Variants in PLA2G4E observed in about 807,000 individuals in gnomAD.
PLA2G4E encodes cytosolic phospholipase A2 epsilon.
A neutral mutation model predicts 109.1 loss-of-function variants in PLA2G4E; 84 were observed. That is an observed-to-expected ratio of 0.77 (90% CI 0.65 to 0.92). The LOEUF (loss-of-function observed/expected upper bound fraction) is 0.92. PLA2G4E is among the 40% of genes least tolerant of loss of function. The probability of loss-of-function intolerance (pLI) is 0.00; values close to 1 mark genes in which losing one functional copy is unlikely to be tolerated. For synonymous variants in PLA2G4E, 469 were observed against 436.1 expected (o/e 1.08, Z -0.94); for missense variants, 1,057 against 1,076.6 (o/e 0.98, Z 0.25).
intron 1 of PLA2G4E, among the ~76,000 whole-genome samples, chr15:42,046,723 G>A (rs770360206): frequency 2.0e-5 from 3 of 152,194 alleles, no homozygotes; most frequent in Non-Finnish European, 4.4e-5. Context: ...TAGGTGCATA[G>A]TGGGAGCTCA....
intron 18 of PLA2G4E, 101 bp from the exon 19 acceptor site, chr15:41,984,720 A>T (rs1007715626): frequency 2.7e-5 from 30 of 1,127,444 alleles, no homozygotes; most frequent in Non-Finnish European, 3.3e-5. Flanking sequence ...CCAGCTAACA[A>T]CTCAGCTCCC....
chr15:41,983,504 C>G, exon 20 of PLA2G4E: 1 of 496,176 alleles, frequency 2.0e-6, no homozygotes, highest in Middle Eastern at 5.3e-4. Context: ...GGCTATGAGA[C>G]CACCTTCTCT....
At chr15:42,014,539 A>C (rs1484366527) in intron 1 of PLA2G4E, among the ~76,000 whole-genome samples, 1 of 152,200 alleles carries the variant, frequency 6.6e-6, no homozygotes, top group Non-Finnish European at 1.5e-5. Flanking sequence ...AGGCAGGCAC[A>C]GTGTGGCTGC....
chr15:41,994,050 T>G (rs1371955124), intron 12 of PLA2G4E, among the ~76,000 whole-genome samples: 1 of 150,464 alleles, frequency 6.6e-6, no homozygotes, highest in Admixed American at 6.6e-5. Context: ...CTTAACCTAC[T>G]ACCGGGGGCA....
intron 2 of PLA2G4E, 25 bp from the exon 3 acceptor site, chr15:42,007,890 C>A (rs753774003): frequency 1.3e-6 from 2 of 1,585,416 alleles, no homozygotes; most frequent in Non-Finnish European, 8.6e-7. Context: ...TAAGTGGAAC[C>A]AATCCAGGTT....
intron 2 of PLA2G4E, among the ~76,000 whole-genome samples, chr15:42,008,353 T>C (rs1373196365): frequency 6.6e-6 from 1 of 152,294 alleles, no homozygotes; most frequent in Non-Finnish European, 1.5e-5. Context: ...AGGGCCCCAG[T>C]GGGCAAGGAC....
In PLA2G4E at chr15:42,007,870, C is replaced by T. The variant is rs767377061; in HGVS notation, c.257-5G>A. The T allele has an allele frequency of 6.3e-7, 1 of 1,597,998 alleles. No homozygotes were observed. The highest frequency in any genetic ancestry group is 8.5e-7 in the Non-Finnish European group (1 of 1,171,288). On this transcript the variant is annotated splice_region_variant and splice_polypyrimidine_tract_variant and intron_variant, in intron 2 of 19. Coordinates refer to ENST00000399518, the Ensembl canonical transcript of PLA2G4E. ...CAAAACAGTCTGTCTGGCTCACTGTCCAAGAAAGATAAGTGGAACCAATCC... is the reference window on the plus strand; with the variant it reads ...CAAAACAGTCTGTCTGGCTCACTGTTCAAGAAAGATAAGTGGAACCAATCC...
chr15:42,024,008 C>T (rs762140977), intron 1 of PLA2G4E, among the ~76,000 whole-genome samples: 1 of 152,150 alleles, frequency 6.6e-6, no homozygotes, highest in African/African-American at 2.4e-5. Flanking sequence ...GCTGGGTGCC[C>T]ATCTCTGTGC....
At chr15:42,007,776 G>C (rs1390371696) in exon 3 of PLA2G4E, 5 of 1,612,610 alleles carry the variant, frequency 3.1e-6, no homozygotes, top group Non-Finnish European at 4.2e-6. Flanking sequence ...TTCCACTCTG[G>C]ATTTGGGCAG....
chr15:42,000,040 C>A, intron 8 of PLA2G4E, 40 bp from the exon 9 acceptor site: 2 of 1,581,636 alleles, frequency 1.3e-6, no homozygotes, highest in Non-Finnish European at 1.7e-6. Context: ...GGCTGGGGAG[C>A]TCCTCTGGCA....
intron 11 of PLA2G4E, among the ~76,000 whole-genome samples, chr15:41,996,134 C>G (rs759732438): frequency 6.6e-5 from 10 of 151,900 alleles, no homozygotes; most frequent in Non-Finnish European, 1.3e-4. Flanking sequence ...ATTGCTTAAG[C>G]CCAGGAGTTC....
intron 13 of PLA2G4E, among the ~76,000 whole-genome samples, chr15:41,991,819 G>A (rs1204633710): frequency 2.0e-5 from 3 of 152,172 alleles, no homozygotes; most frequent in African/African-American, 7.2e-5. Flanking sequence ...GCAGGGAACC[G>A]TGGGCCTGGA....
intron 1 of PLA2G4E, among the ~76,000 whole-genome samples, chr15:42,029,765 G>A (rs148099795): frequency 6.6e-6 from 1 of 152,216 alleles, no homozygotes; most frequent in Admixed American, 6.5e-5. Flanking sequence ...CTCATGGGAT[G>A]GTTGTCCAGA....
intron 10 of PLA2G4E, chr15:41,998,775 C>G (rs751913830): frequency 6.6e-6 from 1 of 152,220 alleles, no homozygotes; most frequent in Admixed American, 6.5e-5. Context: ...GGACTTTGGT[C>G]GGGCGCGGTG....
intron 1 of PLA2G4E, among the ~76,000 whole-genome samples, chr15:42,018,993 T>C (rs189368568): frequency 6.6e-6 from 1 of 152,348 alleles, no homozygotes; most frequent in East Asian, 1.9e-4. Context: ...CATATGCTCT[T>C]ATCTAACCTT....
At chr15:42,037,893 C>T (rs1889246351) in intron 1 of PLA2G4E, among the ~76,000 whole-genome samples, 1 of 152,218 alleles carries the variant, frequency 6.6e-6, no homozygotes, top group Admixed American at 6.5e-5. Context: ...CTCACACACC[C>T]ATTGCTGCTC....
chr15:42,050,091 T>G (rs1889482434), intron 1 of PLA2G4E, among the ~76,000 whole-genome samples: 1 of 152,204 alleles, frequency 6.6e-6, no homozygotes, highest in Non-Finnish European at 1.5e-5. Flanking sequence ...TTCGAGAGCC[T>G]ATGTGACAGG....
At chr15:42,005,946 G>GT in intron 4 of PLA2G4E, 44 bp downstream of exon 4, 1 of 1,601,214 alleles carries the variant, frequency 6.2e-7, no homozygotes, top group Non-Finnish European at 8.5e-7. Context: ...CAGCTATGAG[G>GT]TTATCATGAA....
chr15:41,982,945 C>T (rs985489431), exon 20 of PLA2G4E: 2 of 152,204 alleles, frequency 1.3e-5, no homozygotes, highest in African/African-American at 4.8e-5. Context: ...CCTATTAATA[C>T]TCCGATTCAT....
Sources: allele counts gnomAD v4.1 joint callset (sites outside exome capture counted in the v4.1 genomes callset), GRCh38; gene constraint gnomAD v4.1.1; transcripts MANE v1.5; gene names NCBI Gene and HGNC (gene_info 2026-07-23, HGNC 2026-07-21).